Variants in RBMS2 observed in about 807,000 individuals in gnomAD.
RBMS2 encodes the protein RNA-binding motif, single-stranded-interacting protein 2.
A neutral mutation model predicts 58.4 loss-of-function variants in RBMS2; 38 were observed. That is an observed-to-expected ratio of 0.65 (90% confidence interval 0.50 to 0.85). The LOEUF is 0.85. Ranked by LOEUF, RBMS2 falls within the 40% of genes least tolerant of loss-of-function variation. The pLI, the probability that RBMS2 is intolerant of heterozygous loss-of-function variation, is 0.00. For missense variants in RBMS2, 367 were observed against 503.7 expected (o/e 0.73, Z 2.60); for synonymous variants, 151 against 180.7 (o/e 0.84, Z 1.32).
chr12:56,532,657 A>C (rs1204992994), intron 1 of RBMS2, among the ~76,000 whole-genome samples: 1 of 152,176 alleles, frequency 6.6e-6, no homozygotes, highest in Admixed American at 6.5e-5. Flanking sequence ...CTATCTATTC[A>C]AGAATCATAT....
chr12:56,580,244 T>C, intron 5 of RBMS2: 1 of 407,040 alleles, frequency 2.5e-6, no homozygotes, highest in South Asian at 1.8e-5. Context: ...TTTTTTTTTT[T>C]TTTTTTAACA....
At chr12:56,526,776 G>A (rs888128509) in intron 1 of RBMS2, among the ~76,000 whole-genome samples, 1 of 151,360 alleles carries the variant, frequency 6.6e-6, no homozygotes, top group Non-Finnish European at 1.5e-5. Context: ...AGGTGAGATC[G>A]AAAGAGGAAA....
At chr12:56,543,406 A>C (rs1482807749) in intron 1 of RBMS2, among the ~76,000 whole-genome samples, 2 of 134,140 alleles carry the variant, frequency 1.5e-5, no homozygotes, top group Non-Finnish European at 3.3e-5. Flanking sequence ...AATCACTTGA[A>C]TCCAGGAGGC....
intron 5 of RBMS2, among the ~76,000 whole-genome samples, chr12:56,576,579 C>A (rs1883161563): frequency 6.6e-6 from 1 of 152,048 alleles, no homozygotes; most frequent in East Asian, 1.9e-4. Context: ...TCATATCATT[C>A]TTATATTCCT....
intron 2 of RBMS2, among the ~76,000 whole-genome samples, chr12:56,563,901 T>C (rs532178177): frequency 2.0e-5 from 3 of 152,166 alleles, no homozygotes; most frequent in African/African-American, 7.2e-5. Context: ...TTTTGAGAGG[T>C]GGGAATTAGC....
intron 5 of RBMS2, among the ~76,000 whole-genome samples, chr12:56,576,112 C>G (rs1883091464): frequency 6.6e-6 from 1 of 151,920 alleles, no homozygotes; most frequent in South Asian, 2.1e-4. Flanking sequence ...CCGAGGCGAG[C>G]AGATCACTTG....
upstream of RBMS2, among the ~76,000 whole-genome samples, chr12:56,521,448 A>C (rs11831013): frequency 6.1e-5 from 8 of 130,636 alleles, no homozygotes; most frequent in Admixed American, 1.6e-4. Flanking sequence ...AAAAAAAATC[A>C]CTGTAAGTGT....
intron 1 of RBMS2, among the ~76,000 whole-genome samples, chr12:56,528,466 C>A (rs1873092361): frequency 6.6e-6 from 1 of 151,998 alleles, no homozygotes; most frequent in Non-Finnish European, 1.5e-5. Context: ...CTCTTAAGAA[C>A]ATTGATTAAG....
intron 1 of RBMS2, among the ~76,000 whole-genome samples, chr12:56,530,713 T>C (rs1873583854): frequency 6.6e-6 from 1 of 152,198 alleles, no homozygotes; most frequent in African/African-American, 2.4e-5. Context: ...AAGAGAATCA[T>C]GACCAGTTAC....
Position 56,593,229 on chromosome 12 carries a change from C to T in RBMS2, c.*4096C>T, listed in dbSNP as rs1885432413. On this transcript the variant is annotated 3_prime_UTR_variant, in exon 14 of 14. Transcript: ENST00000262031. ...CATAATGGCTCACTGCAGCCTCGAC[C>T]TCCCAAGGCTCAGGTGATCCTCTTG... 6.6e-6 allele frequency: 1 copy of T among 152,236 alleles called. No homozygotes were observed. Among genetic ancestry groups the T allele is most frequent in the Admixed American group, 6.6e-5 (1 of 15,262 alleles). The allele number at this position is 152,236 out of a possible 1,614,324, so 9.4% of individuals were successfully genotyped here. A position where few individuals can be genotyped will look rare whatever the true frequency, so the allele number is the denominator to read the frequency against.
intron 5 of RBMS2, among the ~76,000 whole-genome samples, chr12:56,577,116 A>G (rs1266566403): frequency 6.6e-6 from 1 of 150,776 alleles, no homozygotes; most frequent in African/African-American, 2.4e-5. Context: ...TAAAATGTTC[A>G]TACAAGGCCA....
chr12:56,584,478 C>G (rs1315385366), intron 9 of RBMS2, among the ~76,000 whole-genome samples: 2 of 150,612 alleles, frequency 1.3e-5, no homozygotes, highest in African/African-American at 4.9e-5. Flanking sequence ...TTAAATTTGT[C>G]TTTTTCTTTT....
intron 1 of RBMS2, among the ~76,000 whole-genome samples, chr12:56,552,904 C>G (rs1328714536): frequency 1.5e-5 from 2 of 133,616 alleles, no homozygotes; most frequent in East Asian, 4.6e-4. Context: ...AATAGTTATT[C>G]TTTTAAAATT....
chr12:56,586,324 C>A (rs1283500143), intron 9 of RBMS2, among the ~76,000 whole-genome samples: 1 of 150,308 alleles, frequency 6.7e-6, no homozygotes, highest in Non-Finnish European at 1.5e-5. Flanking sequence ...AGAGCAAGAT[C>A]CTGTCTCAAA....
intron 2 of RBMS2, among the ~76,000 whole-genome samples, chr12:56,568,691 A>T (rs1881787835): frequency 6.6e-6 from 1 of 151,842 alleles, no homozygotes. Context: ...CGTGACGCCC[A>T]GCTAATTTTT....
rs370430507 is a variant in RBMS2 at position 56,579,564 on chromosome 12, G to C, written c.543-1620G>C. On this transcript the variant is annotated intron_variant, in intron 5 of 13. Coordinates refer to ENST00000262031, the MANE Select transcript of RBMS2 (RefSeq NM_002898.4). ...CAGGAGAATGGTGTGAACCCAGGAG[G>C]CAGAGCTTGTAGTGAGCCGAGATCG... 7.3e-5 allele frequency among the ~76,000 whole-genome samples: 11 copies of C among 151,582 alleles called. No homozygotes were observed. The East Asian group carries it at 1.4e-3, about 19-fold the overall frequency.
At chr12:56,580,720 T>C (rs1417778446) in intron 5 of RBMS2, among the ~76,000 whole-genome samples, 1 of 152,182 alleles carries the variant, frequency 6.6e-6, no homozygotes, top group Non-Finnish European at 1.5e-5. Flanking sequence ...TTCCACAGAT[T>C]CATGAAATAT....
At chr12:56,543,049 T>A (rs1268179868) in intron 1 of RBMS2, among the ~76,000 whole-genome samples, 2 of 151,918 alleles carry the variant, frequency 1.3e-5, no homozygotes, top group Non-Finnish European at 2.9e-5. Flanking sequence ...TTTTGAAAAA[T>A]TTTATATAGA....
intron 4 of RBMS2, 128 bp downstream of exon 4, chr12:56,570,118 C>T: frequency 2.6e-6 from 2 of 783,000 alleles, no homozygotes; most frequent in South Asian, 3.3e-5. Context: ...GTGGTGCTTT[C>T]TAGACAGTCC....
Sources: allele counts gnomAD v4.1 joint callset (sites outside exome capture counted in the v4.1 genomes callset), GRCh38; gene constraint gnomAD v4.1.1; transcripts MANE v1.5; gene names NCBI Gene and HGNC (gene_info 2026-07-23, HGNC 2026-07-21).